Variants in LARP7 observed in about 807,000 individuals in gnomAD.
LARP7 encodes la-related protein 7.
In LARP7, 52 loss-of-function variants were observed where a neutral mutation model predicts 69.3. The observed-to-expected ratio is 0.75, with a 90% CI of 0.60 to 0.95. LARP7 has a LOEUF of 0.95. LARP7 is among the 40% of genes least tolerant of loss of function. The pLI, the probability that LARP7 is intolerant of heterozygous loss-of-function variation, is 0.00. For missense variants in LARP7, 733 were observed against 673.0 expected, an observed-to-expected ratio of 1.09 and a Z score of -0.99; for synonymous variants, 254 against 215.9, an observed-to-expected ratio of 1.18 and a Z score of -1.55.
At chr4:112,644,549 T>C in intron 1 of LARP7, 119 bp from the exon 2 acceptor site, 1 of 1,035,992 alleles carries the variant, frequency 9.7e-7, no homozygotes, top group Non-Finnish European at 1.3e-6. Flanking sequence ...CTGTTTGTCT[T>C]CTGATGGCCA....
intron 1 of LARP7, among the ~76,000 whole-genome samples, chr4:112,639,815 T>C (rs977240205): frequency 1.3e-5 from 2 of 152,078 alleles, no homozygotes; most frequent in African/African-American, 4.8e-5. Flanking sequence ...TAACAAGAGA[T>C]TGGATAGAAT....
intron 1 of LARP7, among the ~76,000 whole-genome samples, chr4:112,641,484 G>T (rs148660216): frequency 5.3e-5 from 8 of 151,598 alleles, no homozygotes; most frequent in Admixed American, 4.6e-4. Context: ...CTGGAGAATC[G>T]ATTATAAGGG....
intron 8 of LARP7, chr4:112,648,612 A>T (rs558284535): frequency 4.4e-6 from 2 of 451,570 alleles, no homozygotes; most frequent in Non-Finnish European, 9.4e-6. Context: ...GAGGAGAAAG[A>T]AAACAAAATG....
In LARP7 at chr4:112,657,304, A is replaced by G. The variant is rs1021428530; in HGVS notation, c.1726A>G (p.Ile576Val). ...LAKTQQASKHIRFSEYD is the reference protein window; with the variant it reads ...LAKTQQASKHVRFSEYD Reference sequence around the variant, plus strand: ...AAAGACTCAACAAGCGAGTAAACATATAAGATTTTCTGAATATGATTGAAA... The same window carrying G: ...AAAGACTCAACAAGCGAGTAAACATGTAAGATTTTCTGAATATGATTGAAA... Residue 576 changes from isoleucine to valine, a missense_variant, in exon 13 of 13, where the codon ATA (isoleucine) becomes GTA (valine). Coordinates refer to ENST00000344442, the MANE Select transcript of LARP7 (RefSeq NM_016648.4). 6 of 1,587,670 alleles carry G rather than the reference A, an allele frequency of 3.8e-6. No homozygotes were observed. The highest frequency in any genetic ancestry group is 1.3e-5 in the African/African-American group (1 of 74,102).
chr4:112,648,624 C>T (rs1050369161), intron 8 of LARP7: 2 of 438,468 alleles, frequency 4.6e-6, no homozygotes, highest in African/African-American at 4.1e-5. Context: ...AACAAAATGG[C>T]ATAACTTTAG....
chr4:112,656,130 C>T (rs2048945580), intron 12 of LARP7, among the ~76,000 whole-genome samples: 1 of 152,160 alleles, frequency 6.6e-6, no homozygotes, highest in Non-Finnish European at 1.5e-5. Flanking sequence ...TGGGGCCAGG[C>T]ACGGTGGCTC....
At position 112,647,829 on chromosome 4, in the gene LARP7, A is replaced by G. The variant is rs776314449; in HGVS notation, c.1137A>G (p.Leu379=). 3.0e-5 allele frequency: 48 copies of G among 1,584,438 alleles called. 1 individual carries two copies. Among genetic ancestry groups the G allele is most frequent in the African/African-American group, 1.7e-4 (12 of 71,188 alleles). ...MGEEVIPLRV[L]SKSEWMDLKK... ...AAGAAGTTATACCATTAAGAGTGCT[A>G]TCAAAGTAAGTCTGTGGTTTAAATT... Residue 379 remains leucine, a synonymous_variant, in exon 8 of 13, where the codon CTA becomes CTG. Transcript: ENST00000344442.
At chr4:112,652,134 G>C (rs2048769758) in intron 10 of LARP7, among the ~76,000 whole-genome samples, 1 of 151,650 alleles carries the variant, frequency 6.6e-6, no homozygotes, top group Non-Finnish European at 1.5e-5. Flanking sequence ...ATTATTAACT[G>C]ATAAACTTTT....
intron 8 of LARP7, chr4:112,648,633 A>G (rs2048519528): frequency 4.7e-6 from 2 of 426,502 alleles, no homozygotes; most frequent in Middle Eastern, 3.6e-4. Context: ...GCATAACTTT[A>G]GAAGAAAAAA....
chr4:112,648,203 CACTT>C (rs747791358), intron 8 of LARP7: 70 of 532,748 alleles, frequency 1.3e-4, no homozygotes, highest in African/African-American at 4.2e-4. Flanking sequence ...AACATGGAAG[CACTT>C]ACTTCTTTAG....
intron 2 of LARP7, chr4:112,645,504 A>AT (rs557545981): frequency 2.2e-6 from 1 of 456,076 alleles, no homozygotes; most frequent in Admixed American, 2.4e-5. Context: ...GCTCAATGTT[A>AT]TTTTTTGTTT....
intron 12 of LARP7, among the ~76,000 whole-genome samples, chr4:112,655,958 T>C (rs1035117078): frequency 6.6e-6 from 1 of 151,998 alleles, no homozygotes; most frequent in Non-Finnish European, 1.5e-5. Flanking sequence ...TAGTAAGTAA[T>C]GGAAATTGCT....
Position 112,644,955 on chromosome 4 carries a change from T to TTTTTC in LARP7, c.202+88_202+89insCTTTT, listed in dbSNP as rs1554010557. 39 of 513,422 alleles carry TTTTTC rather than the reference T, an allele frequency of 7.6e-5. 1 individual carries two copies. Among genetic ancestry groups the TTTTTC allele is most frequent in the African/African-American group, 7.2e-4 (34 of 47,394 alleles). The allele number at this position is 513,422 out of a possible 1,614,324, so 31.8% of individuals were successfully genotyped here. On this transcript the variant is annotated intron_variant, in intron 2 of 12. Coordinates refer to ENST00000344442, the MANE Select transcript of LARP7 (RefSeq NM_016648.4). Reference sequence around the variant, plus strand: ...ATAAAATAATATATTCTTTTTTTTTTTTTTTTTTTGAGTTGGAGTCTTGCT... The same window carrying TTTTTC: ...ATAAAATAATATATTCTTTTTTTTTTTTTTCTTTTTTTTTGAGTTGGAGTCTTGCT...
intron 10 of LARP7, among the ~76,000 whole-genome samples, chr4:112,651,138 G>A (rs58067982): frequency 0.016 from 2,361 of 152,192 alleles, 61 homozygotes; most frequent in African/African-American, 0.054. Flanking sequence ...CCCTTACCCT[G>A]CCTGTCACCC....
In LARP7 at chr4:112,650,452, TC is replaced by T. The variant is rs1349021497; in HGVS notation, c.1295-8del. 1 of 1,613,500 alleles carries T rather than the reference TC, an allele frequency of 6.2e-7. No individual in the cohort carries two copies. Among genetic ancestry groups the T allele is most frequent in the Non-Finnish European group, 8.5e-7 (1 of 1,179,618 alleles). ...GATTTAGTCCTGGTCTTTTTCCTTT[TC>T]TAATCAGCAGCCAACAGGGAAGAGT... On this transcript the variant is annotated splice_region_variant and splice_polypyrimidine_tract_variant and intron_variant, in intron 9 of 12. Coordinates refer to ENST00000344442, the MANE Select transcript of LARP7 (RefSeq NM_016648.4).
intron 1 of LARP7, chr4:112,644,432 T>C (rs1239481225): frequency 4.4e-6 from 5 of 1,135,592 alleles, no homozygotes; most frequent in Non-Finnish European, 5.7e-6. Context: ...TAGGATAATC[T>C]GGCCCTGTGT....
rs1193660521 is a variant in LARP7 at position 112,646,365 on chromosome 4, C to G, written c.217C>G (p.Leu73Val). Reference sequence around the variant, plus strand: ...ATTTTCTTTAGATGTTGATATATCACTACTTGTGTCTTTTAACAAAATGAA... The same window carrying G: ...ATTTTCTTTAGATGTTGATATATCAGTACTTGTGTCTTTTAACAAAATGAA... ...KSRDGYVDIS[L>V]LVSFNKMKKL... Residue 73 changes from leucine to valine, a missense_variant, in exon 3 of 13, where the codon CTA becomes GTA. Leu to Val is a conservative substitution (Grantham distance 32). Coordinates refer to ENST00000344442, the MANE Select transcript of LARP7 (RefSeq NM_016648.4). 1 of 1,508,386 alleles carries G rather than the reference C, an allele frequency of 6.6e-7. No homozygotes were observed. The highest frequency in any genetic ancestry group is 1.7e-5 in the Admixed American group (1 of 58,016). The allele number at this position is 1,508,386 out of a possible 1,614,324, so 93.4% of individuals were successfully genotyped here.
At chr4:112,641,486 T>C (rs1285571139) in intron 1 of LARP7, among the ~76,000 whole-genome samples, 1 of 151,510 alleles carries the variant, frequency 6.6e-6, no homozygotes, top group Non-Finnish European at 1.5e-5. Context: ...GGAGAATCGA[T>C]TATAAGGGAA....
chr4:112,639,844 A>C (rs1031395363), intron 1 of LARP7, among the ~76,000 whole-genome samples: 1 of 152,172 alleles, frequency 6.6e-6, no homozygotes, highest in Non-Finnish European at 1.5e-5. Flanking sequence ...AGAATTATTG[A>C]TAATTGGATA....
Sources: gnomAD v4.1 joint callset for allele counts (sites outside exome capture counted in the v4.1 genomes callset) on GRCh38, gnomAD v4.1.1 for gene constraint, MANE v1.5 for transcripts, NCBI Gene and HGNC (gene_info 2026-07-23, HGNC 2026-07-21) for gene names.